Variants in GRID1 observed in about 807,000 individuals in gnomAD.
The protein encoded by GRID1 is glutamate ionotropic receptor delta type subunit 1.
In GRID1, 28 loss-of-function variants were observed where a neutral mutation model predicts 98.0. That is an observed-to-expected ratio of 0.29 (90% CI 0.21 to 0.39). GRID1 has a LOEUF of 0.39. Ranked by LOEUF, GRID1 falls within the 10% of genes least tolerant of loss-of-function variation. GRID1 has a pLI of 1.00. For missense variants in GRID1, 1,111 were observed against 1,340.5 expected (o/e 0.83, Z 2.67); for synonymous variants, 553 against 538.5 (o/e 1.03, Z -0.37).
At chr10:86,316,705 A>G (rs746710877) in intron 2 of GRID1, among the ~76,000 whole-genome samples, 14 of 147,880 alleles carry the variant, frequency 9.5e-5, no homozygotes, top group Non-Finnish European at 3.0e-5. Context: ...CCTGAGCACC[A>G]GCCTTGCATC....
At chr10:86,035,543 G>C (rs1642870148) in intron 4 of GRID1, among the ~76,000 whole-genome samples, 1 of 152,190 alleles carries the variant, frequency 6.6e-6, no homozygotes, top group African/African-American at 2.4e-5. Flanking sequence ...ACCATCCACT[G>C]TGTCCAGAGT....
chr10:86,352,807 A>G (rs1848480714), intron 2 of GRID1, among the ~76,000 whole-genome samples: 1 of 152,050 alleles, frequency 6.6e-6, no homozygotes, highest in Admixed American at 6.6e-5. Flanking sequence ...GCATCTGCTG[A>G]CCTGTATAGC....
chr10:85,663,606 G>A (rs750033435), intron 12 of GRID1, among the ~76,000 whole-genome samples: 4 of 152,044 alleles, frequency 2.6e-5, no homozygotes, highest in Non-Finnish European at 5.9e-5. Context: ...CATGGTACTC[G>A]TCTTGCTGTG....
chr10:86,320,784 G>GTTA (rs931732565), intron 2 of GRID1, among the ~76,000 whole-genome samples: 44 of 152,120 alleles, frequency 2.9e-4, no homozygotes, highest in Middle Eastern at 3.4e-3. Flanking sequence ...ATTGTGGCTT[G>GTTA]TTATTATTAT....
intron 8 of GRID1, among the ~76,000 whole-genome samples, chr10:85,810,025 G>T (rs1440406842): frequency 6.6e-6 from 1 of 152,158 alleles, no homozygotes; most frequent in East Asian, 1.9e-4. Context: ...AAGCTGCTGG[G>T]GTGTGGTGCC....
At chr10:86,037,407 A>G (rs780611909) in intron 4 of GRID1, among the ~76,000 whole-genome samples, 5 of 152,234 alleles carry the variant, frequency 3.3e-5, no homozygotes, top group Non-Finnish European at 7.3e-5. Context: ...AGAAAAGGAT[A>G]TAGTAATAAT....
At chr10:85,843,627 G>A (rs1261452612) in intron 8 of GRID1, among the ~76,000 whole-genome samples, 1 of 151,986 alleles carries the variant, frequency 6.6e-6, no homozygotes, top group Non-Finnish European at 1.5e-5. Flanking sequence ...ACAGGCAAAA[G>A]ACTTGGACAG....
intron 12 of GRID1, among the ~76,000 whole-genome samples, chr10:85,679,208 A>T (rs1314591844): frequency 2.0e-5 from 3 of 152,146 alleles, no homozygotes; most frequent in Non-Finnish European, 4.4e-5. Flanking sequence ...ATACCTACTC[A>T]TTGGAATAGC....
chr10:85,860,457 T>C (rs1255848415), intron 6 of GRID1, among the ~76,000 whole-genome samples: 2 of 150,990 alleles, frequency 1.3e-5, no homozygotes, highest in African/African-American at 4.9e-5. Flanking sequence ...CTAGAGGGAG[T>C]GAAGTCAAGG....
At chr10:86,119,480 A>G (rs570823276) in intron 4 of GRID1, among the ~76,000 whole-genome samples, 1 of 151,992 alleles carries the variant, frequency 6.6e-6, no homozygotes, top group Admixed American at 6.5e-5. Flanking sequence ...GGTGTGGGGT[A>G]TATGAGAACT....
chr10:86,298,682 C>T (rs1484467504), intron 2 of GRID1, among the ~76,000 whole-genome samples: 2 of 152,190 alleles, frequency 1.3e-5, no homozygotes, highest in African/African-American at 4.8e-5. Flanking sequence ...TTCCTCACCT[C>T]CCTCTCTGTT....
chr10:86,113,509 A>G (rs1413212200), intron 4 of GRID1, among the ~76,000 whole-genome samples: 3 of 152,250 alleles, frequency 2.0e-5, no homozygotes, highest in Non-Finnish European at 2.9e-5. Context: ...AAGTAGCCCC[A>G]GTCATGTCTC....
intron 4 of GRID1, among the ~76,000 whole-genome samples, chr10:85,928,893 T>C (rs1347830747): frequency 6.6e-6 from 1 of 152,234 alleles, no homozygotes; most frequent in African/African-American, 2.4e-5. Context: ...AGGTAAACTT[T>C]AGCAGACTAG....
At chr10:85,659,581 C>T (rs993116384) in intron 12 of GRID1, among the ~76,000 whole-genome samples, 2 of 152,164 alleles carry the variant, frequency 1.3e-5, no homozygotes, top group African/African-American at 4.8e-5. Flanking sequence ...ACACATGGGC[C>T]AGTGATTGAA....
intron 8 of GRID1, among the ~76,000 whole-genome samples, chr10:85,845,603 G>C (rs899957422): frequency 6.6e-6 from 1 of 152,122 alleles, no homozygotes; most frequent in African/African-American, 2.4e-5. Flanking sequence ...AGTCTGTCTT[G>C]AAAAATAAGT....
At chr10:86,305,139 G>A (rs575612346) in intron 2 of GRID1, among the ~76,000 whole-genome samples, 1 of 151,894 alleles carries the variant, frequency 6.6e-6, no homozygotes, top group South Asian at 2.1e-4. Context: ...GTCCCCTGAG[G>A]AAGAAAGAAT....
chr10:86,190,434 C>T (rs558358558), intron 3 of GRID1, among the ~76,000 whole-genome samples: 56 of 152,364 alleles, frequency 3.7e-4, no homozygotes, highest in African/African-American at 1.3e-3. Flanking sequence ...CCCATGAAGC[C>T]TGGCTGTGCT....
intron 2 of GRID1, among the ~76,000 whole-genome samples, chr10:86,215,434 T>G (rs572948271): frequency 6.6e-6 from 1 of 152,294 alleles, no homozygotes; most frequent in Non-Finnish European, 1.5e-5. Context: ...CAGGGAACAC[T>G]GGGTGGGATC....
At chr10:86,110,252 G>A (rs1469218838) in intron 4 of GRID1, among the ~76,000 whole-genome samples, 1 of 152,126 alleles carries the variant, frequency 6.6e-6, no homozygotes, top group African/African-American at 2.4e-5. Context: ...GGGATTACAG[G>A]CATGAGCCAC....
Sources: gnomAD v4.1 joint callset for allele counts (sites outside exome capture counted in the v4.1 genomes callset) on GRCh38, gnomAD v4.1.1 for gene constraint, MANE v1.5 for transcripts, NCBI Gene and HGNC (gene_info 2026-07-23, HGNC 2026-07-21) for gene names.